The following CGB7 variants were observed in gnomAD, a reference collection of about 807,000 sequenced individuals.
The protein encoded by CGB7 is choriogonadotropin subunit beta 7.
CGB7 carries 6 observed loss-of-function variants against 7.3 expected under a neutral mutation model. That is an observed-to-expected ratio of 0.82 (90% confidence interval 0.45 to 1.62). The LOEUF (loss-of-function observed/expected upper bound fraction) is 1.62, where lower values mean the gene tolerates loss of function less well. Among genes scored for constraint, CGB7 ranks in the 40% most tolerant of loss-of-function variants. CGB7 has a pLI of 0.01. For synonymous variants in CGB7, 47 were observed against 100.8 expected (o/e 0.47, Z 3.20); for missense variants, 114 against 236.2 (o/e 0.48, Z 3.39).
In CGB7 at chr19:49,056,262, G is replaced by T. The variant is rs1425486100; in HGVS notation, c.-887C>A. On this transcript the variant is annotated 5_prime_UTR_variant, in exon 3 of 5. Transcript: ENST00000684222. ...GGCGTGTCTGGGGTGGGGCTGGCCC[G>T]GCAGGCTCCCACTAGCCCCGGCTTA... 2 of 1,290,346 alleles carry T rather than the reference G, an allele frequency of 1.5e-6. No individual in the cohort carries two copies. The highest frequency in any genetic ancestry group is 2.0e-6 in the Non-Finnish European group (2 of 989,332). The allele number at this position is 1,290,346 out of a possible 1,614,324, so 79.9% of individuals were successfully genotyped here.
Position 49,056,564 on chromosome 19 carries a change from A to G in CGB7, c.-1189T>C. 1 of 1,298,934 alleles carries G rather than the reference A, an allele frequency of 7.7e-7. No individual in the cohort carries two copies. The highest frequency in any genetic ancestry group is 1.0e-6 in the Non-Finnish European group (1 of 994,862). The allele number at this position is 1,298,934 out of a possible 1,614,324, so 80.5% of individuals were successfully genotyped here. A position where few individuals can be genotyped will look rare whatever the true frequency, so the allele number is the denominator to read the frequency against. ...TCTTCTAAGCTCCAGTAGGTCAGGT[A>G]GTCCTTGCGGGGGTATCCGGACGGC... On this transcript the variant is annotated 5_prime_UTR_variant, in exon 3 of 5. Coordinates refer to ENST00000684222, the MANE Select transcript of CGB7 (RefSeq NM_001385261.1).
chr19:49,055,318 C>A (rs758653883), intron 3 of CGB7, 43 bp downstream of exon 3: 3 of 1,610,324 alleles, frequency 1.9e-6, no homozygotes, highest in East Asian at 4.5e-5. Context: ...CCAGTGATGG[C>A]CTGGAAGGAG....
chr19:49,055,041 A>G (rs1247465709), intron 3 of CGB7, 33 bp from the exon 4 acceptor site: 1 of 1,601,156 alleles, frequency 6.2e-7, no homozygotes, highest in Admixed American at 1.7e-5. Flanking sequence ...CCCGGGCCTG[A>G]GACCACAGCC....
In CGB7 at chr19:49,056,300, C is replaced by T. The variant is rs1445476271; in HGVS notation, c.-925G>A. The T allele has an allele frequency of 2.3e-6, 3 of 1,292,672 alleles. No individual in the cohort carries two copies. The highest frequency in any genetic ancestry group is 3.0e-6 in the Non-Finnish European group (3 of 990,652). The allele number at this position is 1,292,672 out of a possible 1,614,324, so 80.1% of individuals were successfully genotyped here. On this transcript the variant is annotated 5_prime_UTR_variant, in exon 3 of 5. Coordinates refer to ENST00000684222, the MANE Select transcript of CGB7 (RefSeq NM_001385261.1). ...TAGCCCCGGCTTACAGCGGCCTGAG[C>T]GGGAGTTCTCGGTGCTGTAGGCTTT...
chr19:49,055,472 G>C lies in CGB7; in HGVS notation c.-97C>G, dbSNP rs12461085. ...AGGTTGTAGGATGCTGGAGTGAGCTGGACACTAACCCTTCGGGGGGCGAGA... is the reference window on the plus strand; with the variant it reads ...AGGTTGTAGGATGCTGGAGTGAGCTCGACACTAACCCTTCGGGGGGCGAGA... On this transcript the variant is annotated 5_prime_UTR_variant, in exon 3 of 5. Coordinates refer to ENST00000684222, the MANE Select transcript of CGB7 (RefSeq NM_001385261.1). 0.53 allele frequency: 846,025 copies of C among 1,598,774 alleles called. 227,289 individuals are homozygous for C. The highest frequency in any genetic ancestry group is 0.61 in the African/African-American group (45,832 of 74,648).
chr19:49,055,590 C>T lies in CGB7; in HGVS notation c.-215G>A. ...CTAGCGCCAAGGATGAGGCGGAGAC[C>T]ACGGTGAAGTGACCTCTGAGACTCA... is the stretch of plus-strand genomic sequence containing the variant. On this transcript the variant is annotated 5_prime_UTR_variant, in exon 3 of 5. Transcript: ENST00000684222. The T allele has an allele frequency of 2.0e-6, 3 of 1,472,272 alleles. No homozygotes were observed. In the South Asian group the frequency reaches 4.1e-5, roughly 20 times the overall value. 91.2% of individuals were successfully genotyped at this position (1,472,272 alleles called of 1,614,324 possible).
At chr19:49,055,062 G>A in intron 3 of CGB7, 54 bp from the exon 4 acceptor site, 1 of 1,600,726 alleles carries the variant, frequency 6.2e-7, no homozygotes. Flanking sequence ...CTGAGCCCTG[G>A]CCTTCCCATC....
In CGB7 at chr19:49,056,119, G is replaced by A; in HGVS notation, c.-744C>T. On this transcript the variant is annotated 5_prime_UTR_variant, in exon 3 of 5. The change creates a new upstream start codon in the 5' untranslated region. Transcript: ENST00000684222. Reference sequence around the variant, plus strand: ...GCGATCCAGCCGCAGCTGAGTGGGCGTGTCTGGGCTAGTCCTGTCCCCACA... The same window carrying A: ...GCGATCCAGCCGCAGCTGAGTGGGCATGTCTGGGCTAGTCCTGTCCCCACA... 8.4e-7 allele frequency: 1 copy of A among 1,185,570 alleles called. No homozygotes were observed. Among genetic ancestry groups the A allele is most frequent in the Middle Eastern group, 2.4e-4 (1 of 4,180 alleles). The allele number at this position is 1,185,570 out of a possible 1,614,324, so 73.4% of individuals were successfully genotyped here. A position where few individuals can be genotyped will look rare whatever the true frequency, so the allele number is the denominator to read the frequency against.
At position 49,056,460 on chromosome 19, in the gene CGB7, G is replaced by C. The variant is rs1479224272; in HGVS notation, c.-1085C>G. 7.7e-7 allele frequency: 1 copy of C among 1,299,624 alleles called. No homozygotes were observed. The highest frequency in any genetic ancestry group is 1.0e-6 in the Non-Finnish European group (1 of 995,490). 80.5% of individuals were successfully genotyped at this position (1,299,624 alleles called of 1,614,324 possible). ...GTTTCCTGAGCCGGAGACATGGCCC[G>C]CCGTGCGGCGCTCGAGGCGGCCTGG... On this transcript the variant is annotated 5_prime_UTR_variant, in exon 3 of 5. Transcript: ENST00000684222.
rs112949592 is a variant in CGB7 at position 49,056,188 on chromosome 19, C to G, written c.-813G>C. 5 of 1,270,108 alleles carry G rather than the reference C, an allele frequency of 3.9e-6. No individual in the cohort carries two copies. Among genetic ancestry groups the G allele is most frequent in the Non-Finnish European group, 2.0e-6 (2 of 977,340 alleles). The allele number at this position is 1,270,108 out of a possible 1,614,324, so 78.7% of individuals were successfully genotyped here. On this transcript the variant is annotated 5_prime_UTR_variant, in exon 3 of 5. Transcript: ENST00000684222. Reference sequence around the variant, plus strand: ...AGTGCGAGCCCACCTAGGTCCGACACCGCGTAGTGAGCGGCTGCCCAGAGC... The same window carrying G: ...AGTGCGAGCCCACCTAGGTCCGACAGCGCGTAGTGAGCGGCTGCCCAGAGC...
rs377115783 is a variant in CGB7 at position 49,055,494 on chromosome 19, G to A, written c.-119C>T. On this transcript the variant is annotated 5_prime_UTR_variant, in exon 3 of 5. Coordinates refer to ENST00000684222, the MANE Select transcript of CGB7 (RefSeq NM_001385261.1). ...GCTGGACACTAACCCTTCGGGGGGC[G>A]AGAAGTAGACAAGGCCAGGGAGGCA... 5.3e-5 allele frequency: 85 copies of A among 1,603,216 alleles called. No individual in the cohort carries two copies. Among genetic ancestry groups the A allele is most frequent in the African/African-American group, 4.3e-4 (32 of 74,824 alleles).
At position 49,055,295 on chromosome 19, in the gene CGB7, G is replaced by A. The variant is rs2040043357; in HGVS notation, c.15+66C>T. The A allele has an allele frequency of 3.7e-6, 6 of 1,608,564 alleles. No individual in the cohort carries two copies. The East Asian group carries it at 1.3e-4, about 36-fold the overall frequency. On this transcript the variant is annotated intron_variant, in intron 3 of 4. Coordinates refer to ENST00000684222, the MANE Select transcript of CGB7 (RefSeq NM_001385261.1). The stretch of plus-strand genomic sequence containing the variant: ...GTCCTTCCACAGCTCACACTGGTCT[G>A]CCCCTTCTCATGCCAGTGATGGCCT...
In CGB7 at chr19:49,057,708, A is replaced by T; in HGVS notation, c.-1595T>A. On this transcript the variant is annotated 5_prime_UTR_variant, in exon 1 of 5. Transcript: ENST00000684222. ...CTCCGCAGCAGCTTAGGAGCCCTGA[A>T]GGCGAGTTTCCAGCCCCTGGTCCTT... 1 of 1,286,820 alleles carries T rather than the reference A, an allele frequency of 7.8e-7. No individual in the cohort carries two copies. The highest frequency in any genetic ancestry group is 9.8e-7 in the Non-Finnish European group (1 of 1,016,006). The allele number at this position is 1,286,820 out of a possible 1,614,324, so 79.7% of individuals were successfully genotyped here. A position where few individuals can be genotyped will look rare whatever the true frequency, so the allele number is the denominator to read the frequency against.
At chr19:49,054,651 C>A (rs1249355648) in intron 4 of CGB7, 46 bp from the exon 5 acceptor site, 3 of 1,015,104 alleles carry the variant, frequency 3.0e-6, no homozygotes, top group East Asian at 2.7e-5. Context: ...CTGGGGCCAG[C>A]GCCTCAGCTG....
At position 49,055,972 on chromosome 19, in the gene CGB7, G is replaced by A; in HGVS notation, c.-597C>T. ...ACCCTCAAGCCAGGATGCCCGGAGCGGTCCCCGGAAATGCGTGTGCTTCAG... is the reference window on the plus strand; with the variant it reads ...ACCCTCAAGCCAGGATGCCCGGAGCAGTCCCCGGAAATGCGTGTGCTTCAG... On this transcript the variant is annotated 5_prime_UTR_variant, in exon 3 of 5. Transcript: ENST00000684222. 9.0e-7 allele frequency: 1 copy of A among 1,108,288 alleles called. No homozygotes were observed. The highest frequency in any genetic ancestry group is 1.1e-6 in the Non-Finnish European group (1 of 898,570). 68.7% of individuals were successfully genotyped at this position (1,108,288 alleles called of 1,614,324 possible). A position where few individuals can be genotyped will look rare whatever the true frequency, so the allele number is the denominator to read the frequency against.
At position 49,056,273 on chromosome 19, in the gene CGB7, A is replaced by T. The variant is rs1373964504; in HGVS notation, c.-898T>A. 1 of 1,290,252 alleles carries T rather than the reference A, an allele frequency of 7.8e-7. No homozygotes were observed. The highest frequency in any genetic ancestry group is 1.0e-6 in the Non-Finnish European group (1 of 989,572). The allele number at this position is 1,290,252 out of a possible 1,614,324, so 79.9% of individuals were successfully genotyped here. A position where few individuals can be genotyped will look rare whatever the true frequency, so the allele number is the denominator to read the frequency against. On this transcript the variant is annotated 5_prime_UTR_variant, in exon 3 of 5. Transcript: ENST00000684222. ...GGTGGGGCTGGCCCGGCAGGCTCCC[A>T]CTAGCCCCGGCTTACAGCGGCCTGA...
intron 2 of CGB7, 84 bp downstream of exon 2, chr19:49,057,037 A>G (rs1600242967): frequency 1.4e-6 from 2 of 1,400,852 alleles, no homozygotes; most frequent in South Asian, 1.2e-5. Flanking sequence ...CGGTCAGGGA[A>G]TGGGAGCCAG....
chr19:49,057,305 A>G, intron 1 of CGB7, 57 bp from the exon 2 acceptor site: 1 of 1,491,686 alleles, frequency 6.7e-7, no homozygotes, highest in Non-Finnish European at 8.9e-7. Context: ...ACCCCATCCC[A>G]AGTCCTGGGT....
chr19:49,056,706 C>G (rs62127893), intron 2 of CGB7, 111 bp from the exon 3 acceptor site: 333,552 of 1,018,506 alleles, frequency 0.33, 56,734 homozygotes, highest in South Asian at 0.4. Flanking sequence ...TCCAGGCGAG[C>G]ACCCCTTAGG....
Sources: gnomAD v4.1 joint callset for allele counts on GRCh38, gnomAD v4.1.1 for gene constraint, MANE v1.5 for transcripts, NCBI Gene and HGNC (gene_info 2026-07-23, HGNC 2026-07-21) for gene names.